STARD13: variants seen among roughly 807,000 people sequenced by gnomAD.
STARD13 encodes StAR related lipid transfer domain containing 13.
STARD13 carries 62 observed loss-of-function variants against 106.4 expected under a neutral mutation model. The observed-to-expected ratio is 0.58, with a 90% CI of 0.48 to 0.72. The LOEUF (loss-of-function observed/expected upper bound fraction) is 0.72, where lower values mean the gene tolerates loss of function less well. STARD13 is among the 30% of genes least tolerant of loss of function. The pLI is 0.00. For synonymous variants in STARD13, 565 were observed against 553.0 expected (o/e 1.02, Z -0.31); for missense variants, 1,387 against 1,424.0 (o/e 0.97, Z 0.42).
At chr13:33,256,248 G>A (rs1028878451) in intron 1 of STARD13, among the ~76,000 whole-genome samples, 1 of 152,178 alleles carries the variant, frequency 6.6e-6, no homozygotes, top group Non-Finnish European at 1.5e-5. Context: ...ATGATCCTGG[G>A]TCAATGATGT....
At chr13:33,380,883 A>G in the STARD13 span, among the ~76,000 whole-genome samples, 15 of 152,100 alleles carry the variant, frequency 9.9e-5, no homozygotes, top group Non-Finnish European at 1.6e-4. Context: ...TGGAGCATAA[A>G]GTGCAGGGGC....
the STARD13 span, among the ~76,000 whole-genome samples, chr13:33,648,783 C>CTTTTTTTTTTTTTTTTTTTTTT: frequency 2.2e-4 from 17 of 77,006 alleles, no homozygotes; most frequent in Admixed American, 3.0e-4. Flanking sequence ...TTTTCTCTTT[C>CTTTTTTTTTTTTTTTTTTTTTT]TTTTTTTTTT....
At chr13:33,489,307 C>T in the STARD13 span, among the ~76,000 whole-genome samples, 2 of 152,064 alleles carry the variant, frequency 1.3e-5, no homozygotes, top group Admixed American at 6.6e-5. Flanking sequence ...AGTTTTCTGC[C>T]TTCTCTTTTA....
intron 1 of STARD13, among the ~76,000 whole-genome samples, chr13:33,304,475 T>A: frequency 6.6e-6 from 1 of 152,158 alleles, no homozygotes; most frequent in Non-Finnish European, 1.5e-5. Context: ...TCTGTCAACA[T>A]TCCATGTAAT....
At chr13:33,271,364 T>G (rs771063503) in intron 1 of STARD13, 1 of 152,242 alleles carries the variant, frequency 6.6e-6, no homozygotes, top group Non-Finnish European at 1.5e-5. Context: ...TACTCCCTAG[T>G]GTCAGAAAAG....
At chr13:33,286,571 T>C (rs558139998), upstream of STARD13, among the ~76,000 whole-genome samples, 3 of 152,268 alleles carry the variant, frequency 2.0e-5, no homozygotes, top group Non-Finnish European at 2.9e-5. Flanking sequence ...CATTGAGAAG[T>C]TATACAAAAG....
chr13:33,583,993 T>G, the STARD13 span, among the ~76,000 whole-genome samples: 1 of 152,240 alleles, frequency 6.6e-6, no homozygotes, highest in South Asian at 2.1e-4. Context: ...GAAATGGAAT[T>G]GCTAGATCAA....
the STARD13 span, among the ~76,000 whole-genome samples, chr13:33,632,791 A>T: frequency 6.6e-6 from 1 of 151,110 alleles, no homozygotes; most frequent in Non-Finnish European, 1.5e-5. Flanking sequence ...CAGATTGATC[A>T]CTATGCCATG....
chr13:33,462,933 T>G, the STARD13 span, among the ~76,000 whole-genome samples: 1 of 152,156 alleles, frequency 6.6e-6, no homozygotes, highest in African/African-American at 2.4e-5. Context: ...ACCGGATCAC[T>G]CAATATCAAC....
At chr13:33,666,751 C>CGGCT in the STARD13 span, among the ~76,000 whole-genome samples, 1 of 151,946 alleles carries the variant, frequency 6.6e-6, no homozygotes, top group Non-Finnish European at 1.5e-5. Context: ...CCACCACACC[C>CGGCT]GGCTAATTTT....
intron 1 of STARD13, among the ~76,000 whole-genome samples, chr13:33,211,563 G>A (rs1444251538): frequency 6.6e-6 from 1 of 152,158 alleles, no homozygotes; most frequent in African/African-American, 2.4e-5. Flanking sequence ...AAGTGGGATA[G>A]TATTTGCATT....
At chr13:33,525,451 T>C in the STARD13 span, among the ~76,000 whole-genome samples, 2 of 152,126 alleles carry the variant, frequency 1.3e-5, no homozygotes, top group South Asian at 4.1e-4. Flanking sequence ...GAGAACAATT[T>C]ATAAGATTAT....
the STARD13 span, among the ~76,000 whole-genome samples, chr13:33,634,808 T>G: frequency 3.3e-5 from 5 of 152,262 alleles, no homozygotes; most frequent in African/African-American, 1.2e-4. Context: ...TTCACTGGCC[T>G]CCAGGGAAAG....
At chr13:33,615,710 C>T in the STARD13 span, among the ~76,000 whole-genome samples, 1 of 152,256 alleles carries the variant, frequency 6.6e-6, no homozygotes, top group East Asian at 1.9e-4. Flanking sequence ...AAGCATGGTG[C>T]TGTGCAAATC....
At chr13:33,162,476 A>G (rs1350310677) in intron 3 of STARD13, among the ~76,000 whole-genome samples, 2 of 152,222 alleles carry the variant, frequency 1.3e-5, no homozygotes, top group Non-Finnish European at 2.9e-5. Flanking sequence ...TTTCTACTGC[A>G]TCGTCAGGCT....
the STARD13 span, among the ~76,000 whole-genome samples, chr13:33,364,686 G>A: frequency 1.3e-5 from 2 of 152,152 alleles, no homozygotes; most frequent in Admixed American, 1.3e-4. Flanking sequence ...TCAGGAGATC[G>A]GGACCATCCT....
At chr13:33,658,045 T>C in the STARD13 span, 145,326 of 152,316 alleles carry the variant, frequency 0.95, 69,476 homozygotes, top group East Asian at 1. Context: ...CAAACTGTAC[T>C]CATTAAATAA....
chr13:33,521,925 A>G, the STARD13 span, among the ~76,000 whole-genome samples: 1 of 152,134 alleles, frequency 6.6e-6, no homozygotes, highest in Non-Finnish European at 1.5e-5. Context: ...AATAAATTAC[A>G]TTCCCTTAAG....
At chr13:33,532,373 T>C in the STARD13 span, among the ~76,000 whole-genome samples, 5 of 152,194 alleles carry the variant, frequency 3.3e-5, no homozygotes, top group Non-Finnish European at 7.4e-5. Flanking sequence ...TTTTAAAAAA[T>C]TAAAACCCAG....
Sources: gnomAD v4.1 joint callset for allele counts (sites outside exome capture counted in the v4.1 genomes callset) on GRCh38, gnomAD v4.1.1 for gene constraint, MANE v1.5 for transcripts, NCBI Gene and HGNC (gene_info 2026-07-23, HGNC 2026-07-21) for gene names.